Variants in ASH1L observed in about 807,000 individuals in gnomAD.
The protein encoded by ASH1L is histone-lysine N-methyltransferase ASH1L.
ASH1L carries 23 observed loss-of-function variants against 269.0 expected under a neutral mutation model. The observed-to-expected ratio is 0.09, with a 90% CI of 0.06 to 0.12. The LOEUF (loss-of-function observed/expected upper bound fraction) is 0.12, where lower values mean the gene tolerates loss of function less well. Among genes scored for constraint, ASH1L ranks in the 10% least tolerant of loss-of-function variants. ASH1L has a pLI of 1.00. For synonymous variants in ASH1L, 1,187 were observed against 1,253.5 expected, an observed-to-expected ratio of 0.95 and a Z score of 1.12; for missense variants, 2,912 against 3,567.8, an observed-to-expected ratio of 0.82 and a Z score of 4.68.
chr1:155,388,715 CT>C (rs142537672), intron 7 of ASH1L, among the ~76,000 whole-genome samples: 32,483 of 131,506 alleles, frequency 0.25, 4,338 homozygotes, highest in East Asian at 0.69. Flanking sequence ...AATTGCGATT[CT>C]TTTTTTTTTT....
intron 12 of ASH1L, among the ~76,000 whole-genome samples, chr1:155,362,863 C>T (rs1033878419): frequency 2.6e-5 from 4 of 152,154 alleles, no homozygotes; most frequent in African/African-American, 9.7e-5. Context: ...TGTCTCCTTA[C>T]CAATGTGGAA....
At chr1:155,435,406 G>A (rs1662008951) in intron 5 of ASH1L, among the ~76,000 whole-genome samples, 1 of 152,100 alleles carries the variant, frequency 6.6e-6, no homozygotes. Flanking sequence ...ATGTTCTGAT[G>A]ACAAGCTCTC....
chr1:155,524,408 G>C (rs1031210816), intron 1 of ASH1L, among the ~76,000 whole-genome samples: 1 of 151,522 alleles, frequency 6.6e-6, no homozygotes, highest in Non-Finnish European at 1.5e-5. Flanking sequence ...TGTAGTCCTA[G>C]CTACTCGGAA....
chr1:155,361,669 A>G (rs751308606), intron 12 of ASH1L, among the ~76,000 whole-genome samples: 18 of 152,020 alleles, frequency 1.2e-4, no homozygotes, highest in Non-Finnish European at 2.4e-4. Context: ...ACTGCACTCT[A>G]GCCTAGCCTG....
Position 155,370,891 on chromosome 1 carries a change from A to G in ASH1L, c.6425T>C (p.Leu2142Pro). Reference protein sequence around the residue: ...RIQRHEWVQCLERFRAEEKGW... With the variant: ...RIQRHEWVQCPERFRAEEKGW... ...TTTTTCCTCAGCTCGAAATCGTTCT[A>G]GACATTGCACCCATTCATGCCTCTG... is the stretch of plus-strand genomic sequence containing the variant. The change falls in exon 11 of 28, where the codon CTA becomes CCA. Residue 2142 changes from leucine (L) to proline (P), a missense_variant. By Grantham distance (98) the Leu-to-Pro change is moderately conservative. This residue lies in a region of ASH1L where 193 missense variants were observed against 311.6 expected (regional missense o/e 0.62). Transcript: ENST00000392403. 1.2e-6 allele frequency: 2 copies of G among 1,614,138 alleles called. No individual in the cohort carries two copies. Among genetic ancestry groups the G allele is most frequent in the Non-Finnish European group, 1.7e-6 (2 of 1,180,026 alleles).
intron 1 of ASH1L, among the ~76,000 whole-genome samples, chr1:155,538,613 A>C (rs955523322): frequency 2.9e-5 from 4 of 137,348 alleles, no homozygotes; most frequent in Admixed American, 7.5e-5. Flanking sequence ...AAGTGCTGGG[A>C]TTACAGGTGT....
chr1:155,392,359 G>C (rs765365349), intron 7 of ASH1L, among the ~76,000 whole-genome samples: 2 of 152,108 alleles, frequency 1.3e-5, no homozygotes, highest in Non-Finnish European at 2.9e-5. Context: ...CTATACAAGC[G>C]GGAAATGCAA....
At chr1:155,406,755 A>G (rs1659326679) in intron 6 of ASH1L, among the ~76,000 whole-genome samples, 1 of 152,196 alleles carries the variant, frequency 6.6e-6, no homozygotes, top group Non-Finnish European at 1.5e-5. Flanking sequence ...TTGAACAGTA[A>G]CAATATATTA....
chr1:155,481,059 A>T lies in ASH1L; in HGVS notation c.1811T>A (p.Phe604Tyr), dbSNP rs141448773. ...EISESVGKNQ[F>Y]TSESTHLNVG... ...GTTCAAGTGGGTACTTTCAGAAGTA[A>T]ACTGGTTCTTTCCAACAGATTCAGA... is the stretch of plus-strand genomic sequence containing the variant. Residue 604 changes from phenylalanine to tyrosine, a missense_variant, in exon 3 of 28, where the codon TTT becomes TAT. Coordinates refer to ENST00000392403, the MANE Select transcript of ASH1L (RefSeq NM_018489.3). 60 of 1,613,978 alleles carry T rather than the reference A, an allele frequency of 3.7e-5. No individual in the cohort carries two copies. Among genetic ancestry groups the T allele is most frequent in the Non-Finnish European group, 5.0e-5 (59 of 1,179,984 alleles).
chr1:155,534,621 G>C (rs1669925046), intron 1 of ASH1L, among the ~76,000 whole-genome samples: 1 of 151,928 alleles, frequency 6.6e-6, no homozygotes, highest in Non-Finnish European at 1.5e-5. Context: ...AGACAGAAAG[G>C]GAAGATCAAA....
At chr1:155,341,179 A>ATT (rs1031244574) in intron 25 of ASH1L, among the ~76,000 whole-genome samples, 4 of 92,224 alleles carry the variant, frequency 4.3e-5, no homozygotes, top group Admixed American at 2.3e-4. Context: ...AATGTTCACA[A>ATT]TTTTTTTTTT....
chr1:155,345,174 C>CTTTTTTTTTTTTTTTTTTTTTTT (rs397981613), intron 21 of ASH1L, among the ~76,000 whole-genome samples: 1 of 64,022 alleles, frequency 1.6e-5, no homozygotes, highest in African/African-American at 6.5e-5. Context: ...CCAGGATGGT[C>CTTTTTTTTTTTTTTTTTTTTTTT]TTTTTTTTTT....
At chr1:155,351,503 A>G (rs978119171) in intron 17 of ASH1L, among the ~76,000 whole-genome samples, 2 of 151,774 alleles carry the variant, frequency 1.3e-5, no homozygotes, top group Non-Finnish European at 2.9e-5. Flanking sequence ...TGGTGAGCCA[A>G]GATTGCACCA....
chr1:155,379,977 C>T (rs1656795706), intron 8 of ASH1L, 66 bp downstream of exon 8: 1 of 1,176,004 alleles, frequency 8.5e-7, no homozygotes, highest in Non-Finnish European at 1.3e-6. Flanking sequence ...GAGAAAAACA[C>T]TTGCATTTCC....
At chr1:155,411,586 A>AATAAATAAATAAATAAATATATATATAT (rs1297131961) in intron 6 of ASH1L, among the ~76,000 whole-genome samples, 4 of 55,180 alleles carry the variant, frequency 7.2e-5, no homozygotes, top group Non-Finnish European at 1.3e-4. Context: ...TAAATAAATA[A>AATAAATAAATAAATAAATATATATATAT]ATATATATAT....
chr1:155,505,025 C>A (rs1331157172), intron 2 of ASH1L, among the ~76,000 whole-genome samples: 1 of 151,904 alleles, frequency 6.6e-6, no homozygotes, highest in African/African-American at 2.4e-5. Flanking sequence ...AACTTAAAAA[C>A]AAACAAACAA....
chr1:155,439,188 G>A (rs886274317), intron 4 of ASH1L, 120 bp from the exon 5 acceptor site: 3 of 1,072,162 alleles, frequency 2.8e-6, no homozygotes, highest in Admixed American at 3.3e-5. Flanking sequence ...ACACATCATA[G>A]GTAAATTGAT....
intron 5 of ASH1L, among the ~76,000 whole-genome samples, chr1:155,417,461 T>C (rs1356519180): frequency 6.6e-6 from 1 of 152,174 alleles, no homozygotes; most frequent in Admixed American, 6.6e-5. Flanking sequence ...GTTGTGCATG[T>C]GAAGGGTGAA....
chr1:155,491,635 T>C (rs1666793471), intron 2 of ASH1L, among the ~76,000 whole-genome samples: 1 of 152,118 alleles, frequency 6.6e-6, no homozygotes, highest in East Asian at 1.9e-4. Flanking sequence ...AATAAAATAG[T>C]CTCTTTAACT....
Sources: allele counts gnomAD v4.1 joint callset (sites outside exome capture counted in the v4.1 genomes callset), GRCh38; gene constraint gnomAD v4.1.1; regional missense constraint gnomAD v4.1.1; transcripts MANE v1.5; gene names NCBI Gene and HGNC (gene_info 2026-07-23, HGNC 2026-07-21).